CDK8: variants seen among roughly 807,000 people sequenced by gnomAD.
The protein encoded by CDK8 is cyclin-dependent kinase 8.
In CDK8, 29 loss-of-function variants were observed where a neutral mutation model predicts 71.5. The ratio of observed to expected loss-of-function variants is 0.41; its 90% CI spans 0.30 to 0.55. The LOEUF is 0.55. Ranked by LOEUF, CDK8 falls within the 20% of genes least tolerant of loss-of-function variation. CDK8 has a pLI of 0.37. For synonymous variants in CDK8, 161 were observed against 192.1 expected (o/e 0.84, Z 1.34); for missense variants, 288 against 572.6 (o/e 0.50, Z 5.07).
chr13:26,334,746 A>T (rs1488861180), intron 1 of CDK8, among the ~76,000 whole-genome samples: 1 of 152,242 alleles, frequency 6.6e-6, no homozygotes, highest in Non-Finnish European at 1.5e-5. Flanking sequence ...AATTGATTTT[A>T]TAAAGGCTTA....
intron 1 of CDK8, among the ~76,000 whole-genome samples, chr13:26,256,779 A>C (rs1871543089): frequency 6.6e-6 from 1 of 152,200 alleles, no homozygotes; most frequent in Non-Finnish European, 1.5e-5. Context: ...GGAAAAAAGA[A>C]CTTATTATTT....
chr13:26,367,432 C>T (rs1037152677), intron 4 of CDK8, among the ~76,000 whole-genome samples: 1 of 151,852 alleles, frequency 6.6e-6, no homozygotes, highest in Non-Finnish European at 1.5e-5. Context: ...AATTAAGCCC[C>T]TGTTATAGTG....
chr13:26,327,614 A>C (rs559712860), intron 1 of CDK8, among the ~76,000 whole-genome samples: 52 of 152,280 alleles, frequency 3.4e-4, no homozygotes, highest in African/African-American at 1.2e-3. Context: ...GGATCACCTG[A>C]GGTCAGGAGT....
At chr13:26,315,000 T>G (rs1232110461) in intron 1 of CDK8, among the ~76,000 whole-genome samples, 1 of 152,076 alleles carries the variant, frequency 6.6e-6, no homozygotes, top group Non-Finnish European at 1.5e-5. Flanking sequence ...CAGTAGAGAA[T>G]CTAAATTGAT....
chr13:26,353,268 T>C (rs1306707620), intron 3 of CDK8, among the ~76,000 whole-genome samples: 1 of 152,240 alleles, frequency 6.6e-6, no homozygotes, highest in Non-Finnish European at 1.5e-5. Flanking sequence ...TGAACTGGTA[T>C]ATCATTTCTT....
intron 1 of CDK8, among the ~76,000 whole-genome samples, chr13:26,335,935 C>G (rs1256623816): frequency 1.3e-5 from 2 of 151,868 alleles, no homozygotes; most frequent in Non-Finnish European, 2.9e-5. Context: ...ACAACAACAA[C>G]AACAACAACA....
intron 1 of CDK8, among the ~76,000 whole-genome samples, chr13:26,272,381 AG>A (rs1484127927): frequency 1.1e-4 from 16 of 152,222 alleles, no homozygotes; most frequent in African/African-American, 3.4e-4. Flanking sequence ...AGGCCTACAC[AG>A]GGTCAGGATC....
chr13:26,270,302 T>C (rs1593228702), intron 1 of CDK8, among the ~76,000 whole-genome samples: 1 of 151,360 alleles, frequency 6.6e-6, no homozygotes, highest in East Asian at 1.9e-4. Context: ...GGCAGGAGAA[T>C]CATTTGAACC....
At chr13:26,262,298 T>C (rs1039310518) in intron 1 of CDK8, among the ~76,000 whole-genome samples, 2 of 152,242 alleles carry the variant, frequency 1.3e-5, no homozygotes, top group Non-Finnish European at 2.9e-5. Context: ...GTTTATGGGT[T>C]AAAATTATAG....
At chr13:26,358,370 G>A (rs996446166) in intron 4 of CDK8, among the ~76,000 whole-genome samples, 3 of 152,084 alleles carry the variant, frequency 2.0e-5, no homozygotes, top group Non-Finnish European at 4.4e-5. Flanking sequence ...AAAATAATGT[G>A]AGGTAAGTTA....
intron 1 of CDK8, among the ~76,000 whole-genome samples, chr13:26,263,545 G>T (rs968191960): frequency 2.0e-5 from 3 of 150,606 alleles, no homozygotes; most frequent in Non-Finnish European, 3.0e-5. Flanking sequence ...TGGTTCAAGA[G>T]ATTCTCCTGC....
At chr13:26,351,193 A>G (rs1280878404) in intron 3 of CDK8, among the ~76,000 whole-genome samples, 1 of 152,140 alleles carries the variant, frequency 6.6e-6, no homozygotes, top group Non-Finnish European at 1.5e-5. Context: ...TGCTTTTTAA[A>G]TGATATTTAA....
At chr13:26,347,800 G>GT (rs1175882493) in intron 2 of CDK8, among the ~76,000 whole-genome samples, 1 of 152,204 alleles carries the variant, frequency 6.6e-6, no homozygotes, top group East Asian at 1.9e-4. Flanking sequence ...AATAACCAGT[G>GT]TTGGTGAGGA....
chr13:26,340,302 A>C (rs887953700), intron 2 of CDK8, among the ~76,000 whole-genome samples: 3 of 152,248 alleles, frequency 2.0e-5, no homozygotes, highest in African/African-American at 7.2e-5. Flanking sequence ...ACTTACTGTT[A>C]CTGATTACTA....
intron 4 of CDK8, among the ~76,000 whole-genome samples, chr13:26,380,324 C>T (rs1164393533): frequency 1.3e-5 from 2 of 152,024 alleles, no homozygotes; most frequent in Non-Finnish European, 2.9e-5. Context: ...GGATTACAGG[C>T]ACGCACCACC....
At chr13:26,317,093 G>A (rs1430675773) in intron 1 of CDK8, among the ~76,000 whole-genome samples, 1 of 152,144 alleles carries the variant, frequency 6.6e-6, no homozygotes, top group Non-Finnish European at 1.5e-5. Flanking sequence ...AGTGAACAAG[G>A]TTTAAGCGAC....
intron 6 of CDK8, among the ~76,000 whole-genome samples, chr13:26,386,515 A>T (rs181904418): frequency 7.9e-5 from 12 of 152,278 alleles, no homozygotes; most frequent in Admixed American, 5.2e-4. Context: ...GTCTCCAGGC[A>T]TATTCTACCA....
At chr13:26,301,014 C>T (rs1873801458) in intron 1 of CDK8, among the ~76,000 whole-genome samples, 1 of 151,988 alleles carries the variant, frequency 6.6e-6, no homozygotes, top group Non-Finnish European at 1.5e-5. Context: ...TGTTTTTGAT[C>T]AGGAAGACAG....
chr13:26,373,112 G>A (rs983926051), intron 4 of CDK8, among the ~76,000 whole-genome samples: 6 of 152,112 alleles, frequency 3.9e-5, no homozygotes, highest in African/African-American at 1.4e-4. Context: ...CCTTTCCTCT[G>A]GCTAGTTCCT....
Sources: gnomAD v4.1 joint callset for allele counts (sites outside exome capture counted in the v4.1 genomes callset) on GRCh38, gnomAD v4.1.1 for gene constraint, MANE v1.5 for transcripts, NCBI Gene and HGNC (gene_info 2026-07-23, HGNC 2026-07-21) for gene names.